Variants in SLC44A5 observed in about 807,000 individuals in gnomAD.
The protein encoded by SLC44A5 is choline transporter-like protein 5.
In SLC44A5, 57 loss-of-function variants were observed where a neutral mutation model predicts 101.8. The ratio of observed to expected loss-of-function variants is 0.56; its 90% CI spans 0.45 to 0.70. The LOEUF (loss-of-function observed/expected upper bound fraction) is 0.70. Ranked by LOEUF, SLC44A5 falls within the 30% of genes least tolerant of loss-of-function variation. The pLI is 0.00. For missense variants in SLC44A5, 737 were observed against 853.1 expected (o/e 0.86, Z 1.70); for synonymous variants, 281 against 290.9 (o/e 0.97, Z 0.35).
At chr1:75,292,456 TA>T (rs1199037581) in intron 5 of SLC44A5, among the ~76,000 whole-genome samples, 1 of 152,180 alleles carries the variant, frequency 6.6e-6, no homozygotes, top group Non-Finnish European at 1.5e-5. Flanking sequence ...TTGCCTACAA[TA>T]ATTTTATTTA....
chr1:75,613,843 AG>A (rs1675756695), upstream of SLC44A5, among the ~76,000 whole-genome samples: 1 of 152,200 alleles, frequency 6.6e-6, no homozygotes, highest in African/African-American at 2.4e-5. Context: ...TGGTGTTTTG[AG>A]GGGACGGAAG....
chr1:75,416,256 T>C (rs2101537204), intron 2 of SLC44A5, among the ~76,000 whole-genome samples: 1 of 152,260 alleles, frequency 6.6e-6, no homozygotes, highest in East Asian at 1.9e-4. Context: ...GCTTTCACCA[T>C]GGCTGAAAGG....
chr1:75,478,272 C>T (rs1256331309), intron 2 of SLC44A5, among the ~76,000 whole-genome samples: 1 of 152,138 alleles, frequency 6.6e-6, no homozygotes, highest in Non-Finnish European at 1.5e-5. Context: ...TGGAAAGGAA[C>T]AACCAGTACC....
chr1:75,271,430 A>G (rs1651459797), intron 6 of SLC44A5, among the ~76,000 whole-genome samples: 1 of 151,116 alleles, frequency 6.6e-6, no homozygotes, highest in African/African-American at 2.4e-5. Context: ...GTTTTCTTTT[A>G]TCCCTCACCT....
At chr1:75,293,963 A>G (rs996218630) in intron 5 of SLC44A5, among the ~76,000 whole-genome samples, 42 of 152,346 alleles carry the variant, frequency 2.8e-4, no homozygotes, top group African/African-American at 9.1e-4. Context: ...ATATTTATAT[A>G]TTTGTAAAAA....
chr1:75,213,844 G>A, intron 21 of SLC44A5, 51 bp from the exon 22 acceptor site: 2 of 1,535,402 alleles, frequency 1.3e-6, no homozygotes, highest in South Asian at 1.2e-5. Context: ...AAAGAATATA[G>A]TTTTTTGTAG....
chr1:75,588,803 G>A (rs933193579), intron 1 of SLC44A5, among the ~76,000 whole-genome samples: 7 of 152,054 alleles, frequency 4.6e-5, no homozygotes, highest in African/African-American at 1.7e-4. Context: ...GAAACACTAA[G>A]TGAAAGGCAC....
chr1:75,425,329 G>T (rs1455747409), intron 2 of SLC44A5, among the ~76,000 whole-genome samples: 2 of 152,194 alleles, frequency 1.3e-5, no homozygotes, highest in East Asian at 1.9e-4. Flanking sequence ...AGTGATAAAA[G>T]ATTTATGAAT....
intron 2 of SLC44A5, among the ~76,000 whole-genome samples, chr1:75,479,747 TGG>T (rs1227549312): frequency 6.6e-6 from 1 of 152,144 alleles, no homozygotes; most frequent in South Asian, 2.1e-4. Context: ...TCTGAAATTG[TGG>T]CAATAATCAA....
At chr1:75,281,508 C>G (rs755541142) in intron 5 of SLC44A5, among the ~76,000 whole-genome samples, 62 of 151,948 alleles carry the variant, frequency 4.1e-4, no homozygotes, top group Admixed American at 1.7e-3. Flanking sequence ...AAGTATCAAG[C>G]AGCCAGATGT....
intron 2 of SLC44A5, among the ~76,000 whole-genome samples, chr1:75,499,976 C>T (rs1360163750): frequency 6.6e-6 from 1 of 152,098 alleles, no homozygotes; most frequent in Non-Finnish European, 1.5e-5. Context: ...CCCATAAACC[C>T]CTCCCATCCA....
intron 2 of SLC44A5, among the ~76,000 whole-genome samples, chr1:75,495,652 A>G (rs1668631577): frequency 6.6e-6 from 1 of 151,990 alleles, no homozygotes; most frequent in Admixed American, 6.6e-5. Context: ...AGAAAGGTTC[A>G]GCAAACTCAA....
Position 75,471,903 on chromosome 1 carries a change from A to G in SLC44A5, c.13+69532T>C, listed in dbSNP as rs140142863. Among the ~76,000 whole-genome samples, 741 of 151,918 alleles carry G rather than the reference A, an allele frequency of 4.9e-3. 11 individuals carry two copies. The highest frequency in any genetic ancestry group is 0.017 in the African/African-American group (711 of 41,416). ...TTTTTTTTCTCTGATCTATATTTAT[A>G]ATGCCACTTCCTGGTTATTTTTATT... On this transcript the variant is annotated intron_variant, in intron 2 of 23. Transcript: ENST00000370859.
intron 1 of SLC44A5, among the ~76,000 whole-genome samples, chr1:75,589,531 C>T (rs1348932826): frequency 6.6e-6 from 1 of 152,118 alleles, no homozygotes; most frequent in Non-Finnish European, 1.5e-5. Flanking sequence ...TACCCATCGT[C>T]CTGCCAGCAA....
chr1:75,494,307 A>G (rs1057016001), intron 2 of SLC44A5, among the ~76,000 whole-genome samples: 1 of 152,128 alleles, frequency 6.6e-6, no homozygotes, highest in Non-Finnish European at 1.5e-5. Flanking sequence ...CACACAATTG[A>G]CTGAGACATT....
intron 5 of SLC44A5, among the ~76,000 whole-genome samples, chr1:75,296,563 T>G (rs1038041553): frequency 6.6e-6 from 1 of 152,040 alleles, no homozygotes; most frequent in African/African-American, 2.4e-5. Flanking sequence ...GCTAGATCAT[T>G]GAATTCATTA....
At chr1:75,339,175 C>T (rs1003864309) in intron 4 of SLC44A5, among the ~76,000 whole-genome samples, 2 of 152,116 alleles carry the variant, frequency 1.3e-5, no homozygotes, top group Non-Finnish European at 2.9e-5. Context: ...CTGAGCAGCA[C>T]AAATACTTGG....
At chr1:75,415,183 C>A (rs548228191) in intron 2 of SLC44A5, among the ~76,000 whole-genome samples, 52 of 152,256 alleles carry the variant, frequency 3.4e-4, no homozygotes, top group Admixed American at 3.1e-3. Flanking sequence ...GTGTCCCCAC[C>A]CAAATCTCAC....
intron 2 of SLC44A5, among the ~76,000 whole-genome samples, chr1:75,528,483 A>C (rs1670545809): frequency 6.6e-6 from 1 of 152,206 alleles, no homozygotes; most frequent in African/African-American, 2.4e-5. Context: ...TAGTGCACCA[A>C]ACACAAAAGC....
Sources: gnomAD v4.1 joint callset for allele counts (sites outside exome capture counted in the v4.1 genomes callset) on GRCh38, gnomAD v4.1.1 for gene constraint, MANE v1.5 for transcripts, NCBI Gene and HGNC (gene_info 2026-07-23, HGNC 2026-07-21) for gene names.